COL28A1: variants seen among roughly 807,000 people sequenced by gnomAD.
COL28A1 encodes collagen type XXVIII alpha 1 chain.
A neutral mutation model predicts 150.2 loss-of-function variants in COL28A1; 161 were observed. The ratio of observed to expected loss-of-function variants is 1.07; its 90% CI spans 0.94 to 1.22. COL28A1 has a LOEUF of 1.22. Ranked by LOEUF, COL28A1 falls within the 50% of genes most tolerant of loss-of-function variation. COL28A1 has a pLI of 0.00. For missense variants in COL28A1, 1,617 were observed against 1,388.3 expected (o/e 1.16, Z -2.62); for synonymous variants, 552 against 469.7 (o/e 1.18, Z -2.26).
intron 16 of COL28A1, among the ~76,000 whole-genome samples, chr7:7,453,756 C>T (rs1786904149): frequency 1.3e-5 from 2 of 152,178 alleles, no homozygotes; most frequent in Non-Finnish European, 2.9e-5. Flanking sequence ...CTGTTGCAGC[C>T]AGGCGTGGCC....
At chr7:7,409,922 T>G (rs1328300714) in intron 27 of COL28A1, among the ~76,000 whole-genome samples, 3 of 152,160 alleles carry the variant, frequency 2.0e-5, no homozygotes, top group Non-Finnish European at 2.9e-5. Context: ...GAGCCTAAAG[T>G]TTTCATTCCA....
downstream of COL28A1, among the ~76,000 whole-genome samples, chr7:7,354,554 T>C (rs73038720): frequency 0.029 from 4,411 of 152,268 alleles, 107 homozygotes; most frequent in Non-Finnish European, 0.046. Flanking sequence ...ATAATGTGCT[T>C]TATTATAAAG....
chr7:7,453,596 T>A (rs1786889861), intron 16 of COL28A1, 88 bp from the exon 17 acceptor site: 1 of 737,316 alleles, frequency 1.4e-6, no homozygotes, highest in South Asian at 1.6e-5. Flanking sequence ...TACCCCATAA[T>A]AAGTTACTTA....
intron 27 of COL28A1, among the ~76,000 whole-genome samples, chr7:7,393,948 C>T (rs1393166206): frequency 3.4e-5 from 5 of 149,252 alleles, no homozygotes; most frequent in African/African-American, 7.4e-5. Flanking sequence ...AGTTCTGTCT[C>T]GCTGGCGTTC....
intron 18 of COL28A1, among the ~76,000 whole-genome samples, chr7:7,449,667 T>G (rs1786531275): frequency 1.3e-5 from 2 of 151,400 alleles, no homozygotes; most frequent in Non-Finnish European, 3.0e-5. Context: ...GGATACAAAA[T>G]CAACATGCCA....
At chr7:7,436,329 A>T in intron 23 of COL28A1, 66 bp downstream of exon 23, 2 of 862,174 alleles carry the variant, frequency 2.3e-6, no homozygotes, top group Non-Finnish European at 2.0e-6. Flanking sequence ...AAATCAACTT[A>T]TGCATTAAAT....
chr7:7,439,467 ACTT>A (rs1441507157), intron 21 of COL28A1, among the ~76,000 whole-genome samples: 2 of 152,232 alleles, frequency 1.3e-5, no homozygotes, highest in Non-Finnish European at 2.9e-5. Flanking sequence ...ATTTAATTTT[ACTT>A]CTTTTTTCAA....
At position 7,471,788 on chromosome 7, in the gene COL28A1, AG is replaced by A; in HGVS notation, c.1302+2812del. Among the ~76,000 whole-genome samples the A allele has an allele frequency of 1.3e-5, 2 of 152,150 alleles. 1 individual carries two copies. Among genetic ancestry groups the A allele is most frequent in the East Asian group, 3.9e-4 (2 of 5,190 alleles). On this transcript the variant is annotated intron_variant, in intron 15 of 34. Transcript: ENST00000399429. Reference sequence around the variant, plus strand: ...CGGGCACCTGCAATCCCAGCTACTCAGGAGGCTGAGGCAGGAGAATTGCTTC... The same window carrying A: ...CGGGCACCTGCAATCCCAGCTACTCAGAGGCTGAGGCAGGAGAATTGCTTC...
At position 7,404,911 on chromosome 7, in the gene COL28A1, TCTCA is replaced by T. The variant is rs567682439; in HGVS notation, c.2136+12944_2136+12947del. 5.1e-3 allele frequency among the ~76,000 whole-genome samples: 774 copies of T among 152,146 alleles called. 5 individuals are homozygous for T. The highest frequency in any genetic ancestry group is 0.018 in the African/African-American group (741 of 41,498). On this transcript the variant is annotated intron_variant, in intron 27 of 34. Transcript: ENST00000399429. ...TTATTTTAATTTTTTTGACACAGAG[TCTCA>T]CTCTGTTGCCCAGGCATGAGTGCAG...
intron 8 of COL28A1, among the ~76,000 whole-genome samples, chr7:7,512,617 T>C (rs868278708): frequency 1.3e-5 from 2 of 152,196 alleles, no homozygotes; most frequent in South Asian, 2.1e-4. Flanking sequence ...TACTTAGAAC[T>C]AAAAGGTGAC....
intron 22 of COL28A1, 94 bp downstream of exon 22, chr7:7,437,300 C>T: frequency 6.8e-7 from 1 of 1,476,980 alleles, no homozygotes. Context: ...AAGGCTCTTC[C>T]AAAACTAAAA....
chr7:7,427,343 T>A lies in COL28A1; in HGVS notation c.1998+5130A>T, dbSNP rs1784701599. 3.3e-5 allele frequency among the ~76,000 whole-genome samples: 5 copies of A among 152,206 alleles called. No individual in the cohort carries two copies. In the South Asian group the frequency reaches 1.0e-3, roughly 32 times the overall value. ...GGCTGATTGTCCAGGCTGAAGCAAT[T>A]TTGCAGTCATATTATAGGGAGGTGG... On this transcript the variant is annotated intron_variant, in intron 25 of 34. Coordinates refer to ENST00000399429, the MANE Select transcript of COL28A1 (RefSeq NM_001037763.3).
Position 7,530,059 on chromosome 7 carries a change from T to A in COL28A1, c.681+1289A>T, listed in dbSNP as rs544795906. Among the ~76,000 whole-genome samples the A allele has an allele frequency of 2.6e-5, 4 of 152,186 alleles. No homozygotes were observed. The South Asian group carries it at 8.3e-4, about 32-fold the overall frequency. On this transcript the variant is annotated intron_variant, in intron 3 of 34. Coordinates refer to ENST00000399429, the MANE Select transcript of COL28A1 (RefSeq NM_001037763.3). ...TTGGAGGAGGGCTGCTACCAAACTG[T>A]TTCAGAGCAGTTCTGATTGAGAAAA...
At chr7:7,350,939 A>G in the COL28A1 span, among the ~76,000 whole-genome samples, 1 of 152,124 alleles carries the variant, frequency 6.6e-6, no homozygotes, top group Non-Finnish European at 1.5e-5. Flanking sequence ...AATAAAATTT[A>G]AGCTTCTAGT....
rs144442675 is a variant in COL28A1 at position 7,498,218 on chromosome 7, G to A, written c.1027-7572C>T. 4.6e-3 allele frequency among the ~76,000 whole-genome samples: 701 copies of A among 152,178 alleles called. 5 individuals carry two copies. Among genetic ancestry groups the A allele is most frequent in the East Asian group, 0.022 (115 of 5,178 alleles). ...TACTTCATTATATATAACAAAATCT[G>A]AGAAAATGCAAGTCATTTTCTCTGA... On this transcript the variant is annotated intron_variant, in intron 11 of 34. Transcript: ENST00000399429.
At chr7:7,385,886 T>C (rs913165741) in intron 27 of COL28A1, among the ~76,000 whole-genome samples, 13 of 152,160 alleles carry the variant, frequency 8.5e-5, no homozygotes, top group Non-Finnish European at 1.8e-4. Context: ...ACTTTCAGAG[T>C]AGACTATCTA....
chr7:7,540,681 T>C (rs1782768475), upstream of COL28A1, among the ~76,000 whole-genome samples: 1 of 152,182 alleles, frequency 6.6e-6, no homozygotes, highest in Non-Finnish European at 1.5e-5. Flanking sequence ...GGCTAATAAT[T>C]TATATTTATA....
intron 23 of COL28A1, 124 bp downstream of exon 23, chr7:7,436,271 T>A (rs1785334734): frequency 1.4e-6 from 1 of 707,668 alleles, no homozygotes; most frequent in African/African-American, 1.8e-5. Flanking sequence ...AGGGAATAGC[T>A]ATATTCTTAC....
At chr7:7,466,373 G>C (rs1364329465) in intron 15 of COL28A1, among the ~76,000 whole-genome samples, 1 of 145,386 alleles carries the variant, frequency 6.9e-6, no homozygotes. Flanking sequence ...AAGATGAAAT[G>C]AATGAAATGA....
Sources: allele counts gnomAD v4.1 joint callset (sites outside exome capture counted in the v4.1 genomes callset), GRCh38; gene constraint gnomAD v4.1.1; transcripts MANE v1.5; gene names NCBI Gene and HGNC (gene_info 2026-07-23, HGNC 2026-07-21).